The following BACH2 variants were observed in gnomAD, a reference collection of about 807,000 sequenced individuals.
The protein encoded by BACH2 is BACH transcriptional regulator 2.
A neutral mutation model predicts 61.8 loss-of-function variants in BACH2; 5 were observed. The observed-to-expected ratio is 0.08, with a 90% CI of 0.04 to 0.17. The LOEUF (loss-of-function observed/expected upper bound fraction) is 0.17. Among genes scored for constraint, BACH2 ranks in the 10% least tolerant of loss-of-function variants. The pLI, the probability that BACH2 is intolerant of heterozygous loss-of-function variation, is 1.00. For missense variants in BACH2, 824 were observed against 1,091.1 expected (o/e 0.76, Z 3.45); for synonymous variants, 446 against 440.1 (o/e 1.01, Z -0.17).
chr6:90,003,163 C>T (rs543202304), intron 6 of BACH2, among the ~76,000 whole-genome samples: 1 of 152,132 alleles, frequency 6.6e-6, no homozygotes, highest in Non-Finnish European at 1.5e-5. Context: ...GTGGCCAGCT[C>T]GTTCCAAAAA....
At chr6:90,281,916 T>G (rs1055919178) in intron 1 of BACH2, among the ~76,000 whole-genome samples, 19 of 152,084 alleles carry the variant, frequency 1.2e-4, no homozygotes, top group African/African-American at 4.3e-4. Context: ...GGTCACACAA[T>G]AAGTGGCAGA....
chr6:89,989,316 C>G (rs969240515), intron 6 of BACH2, among the ~76,000 whole-genome samples: 3 of 152,318 alleles, frequency 2.0e-5, no homozygotes, highest in Admixed American at 2.0e-4. Flanking sequence ...TCCACCTCCT[C>G]ACACCCCCGG....
chr6:90,050,399 C>T (rs2127794364), intron 5 of BACH2, among the ~76,000 whole-genome samples: 1 of 152,214 alleles, frequency 6.6e-6, no homozygotes, highest in East Asian at 1.9e-4. Flanking sequence ...GAAGAACACC[C>T]ACAATATTTG....
intron 3 of BACH2, among the ~76,000 whole-genome samples, chr6:90,219,859 C>G (rs779659046): frequency 6.6e-6 from 1 of 152,140 alleles, no homozygotes; most frequent in Non-Finnish European, 1.5e-5. Context: ...TGACGTCAGT[C>G]TCACACAGGA....
intron 4 of BACH2, among the ~76,000 whole-genome samples, chr6:90,182,284 G>C (rs921713321): frequency 6.6e-6 from 1 of 152,162 alleles, no homozygotes; most frequent in Non-Finnish European, 1.5e-5. Flanking sequence ...CCCTGAACAC[G>C]TGGTGTGCTT....
chr6:90,030,325 C>T (rs1431902287), intron 5 of BACH2, among the ~76,000 whole-genome samples: 3 of 152,160 alleles, frequency 2.0e-5, no homozygotes, highest in East Asian at 1.9e-4. Flanking sequence ...GCCTCTGCTG[C>T]CCTGGGAGTA....
At chr6:90,158,843 G>A (rs1785087393) in intron 4 of BACH2, among the ~76,000 whole-genome samples, 1 of 151,890 alleles carries the variant, frequency 6.6e-6, no homozygotes, top group Non-Finnish European at 1.5e-5. Flanking sequence ...TCCTCTCTCA[G>A]CAAATGAAAA....
chr6:90,166,263 T>G (rs905383933), intron 4 of BACH2, among the ~76,000 whole-genome samples: 16 of 152,110 alleles, frequency 1.1e-4, no homozygotes, highest in Admixed American at 3.9e-4. Flanking sequence ...CAGACACTTC[T>G]CAAAAGAAGA....
At chr6:90,009,519 C>T (rs1237296516) in intron 5 of BACH2, among the ~76,000 whole-genome samples, 1 of 152,230 alleles carries the variant, frequency 6.6e-6, no homozygotes, top group Non-Finnish European at 1.5e-5. Context: ...TGGAATTGTG[C>T]TGTCGTTATC....
intron 5 of BACH2, among the ~76,000 whole-genome samples, chr6:90,074,928 A>C (rs1781405280): frequency 6.6e-6 from 1 of 152,206 alleles, no homozygotes; most frequent in South Asian, 2.1e-4. Context: ...TGGGTAGGTA[A>C]GCAGGAACAA....
At chr6:90,003,971 C>G (rs1288866873) in intron 6 of BACH2, among the ~76,000 whole-genome samples, 1 of 152,192 alleles carries the variant, frequency 6.6e-6, no homozygotes, top group East Asian at 1.9e-4. Flanking sequence ...CTGTTGTCAC[C>G]CTGTGCTGTG....
chr6:89,981,325 T>C (rs1775943011), intron 6 of BACH2, among the ~76,000 whole-genome samples: 1 of 140,994 alleles, frequency 7.1e-6, no homozygotes, highest in South Asian at 2.3e-4. Context: ...GTATTTTTAC[T>C]ATAGACAGGG....
intron 5 of BACH2, among the ~76,000 whole-genome samples, chr6:90,072,255 G>C (rs1161230605): frequency 1.3e-5 from 2 of 152,160 alleles, no homozygotes; most frequent in African/African-American, 2.4e-5. Context: ...AGTAGTTTTG[G>C]AGGTTGTGCC....
chr6:89,946,601 CGAGA>C (rs919505390), intron 7 of BACH2, among the ~76,000 whole-genome samples: 4 of 152,116 alleles, frequency 2.6e-5, no homozygotes, highest in African/African-American at 9.7e-5. Context: ...TTTACGAGAA[CGAGA>C]GATATTGGAG....
chr6:90,176,232 G>A (rs1225778992), intron 4 of BACH2, among the ~76,000 whole-genome samples: 1 of 152,162 alleles, frequency 6.6e-6, no homozygotes, highest in African/African-American at 2.4e-5. Context: ...AAAACACATA[G>A]CAAAGCAGGA....
intron 5 of BACH2, among the ~76,000 whole-genome samples, chr6:90,072,745 G>A (rs754772084): frequency 4.6e-5 from 7 of 152,164 alleles, no homozygotes; most frequent in Non-Finnish European, 8.8e-5. Flanking sequence ...TCAAGGGATA[G>A]AAGAAGAGAG....
At chr6:90,272,127 C>T (rs1213531113) in intron 1 of BACH2, among the ~76,000 whole-genome samples, 186 bp from the exon 2 acceptor site, 1 of 152,154 alleles carries the variant, frequency 6.6e-6, no homozygotes, top group East Asian at 1.9e-4. Flanking sequence ...TTTAATGCAA[C>T]TGGATTTCAC....
At chr6:90,132,413 C>T (rs147881917) in intron 4 of BACH2, among the ~76,000 whole-genome samples, 216 of 152,294 alleles carry the variant, frequency 1.4e-3, no homozygotes, top group Middle Eastern at 3.4e-3. Flanking sequence ...CCTATGTCTA[C>T]CAATCATACT....
intron 6 of BACH2, among the ~76,000 whole-genome samples, chr6:89,994,661 A>G (rs1776751937): frequency 6.6e-6 from 1 of 152,156 alleles, no homozygotes; most frequent in African/African-American, 2.4e-5. Flanking sequence ...GGCATGCAGA[A>G]CCTTTGAAAT....
Sources: allele counts gnomAD v4.1 joint callset (sites outside exome capture counted in the v4.1 genomes callset), GRCh38; gene constraint gnomAD v4.1.1; transcripts MANE v1.5; gene names NCBI Gene and HGNC (gene_info 2026-07-23, HGNC 2026-07-21).